HS3ST4: variants seen among roughly 807,000 people sequenced by gnomAD.
The protein encoded by HS3ST4 is heparan sulfate-glucosamine 3-sulfotransferase 4, also known as heparan sulfate glucosamine 3-O-sulfotransferase 4.
A neutral mutation model predicts 29.2 loss-of-function variants in HS3ST4; 17 were observed. That is an observed-to-expected ratio of 0.58 (90% CI 0.40 to 0.87). The LOEUF is 0.87. HS3ST4 is among the 40% of genes least tolerant of loss of function. HS3ST4 has a pLI of 0.00. For missense variants in HS3ST4, 627 were observed against 634.5 expected, an observed-to-expected ratio of 0.99 and a Z score of 0.13; for synonymous variants, 314 against 285.7, an observed-to-expected ratio of 1.10 and a Z score of -1.00.
At chr16:25,732,160 T>G (rs1015351238) in intron 1 of HS3ST4, among the ~76,000 whole-genome samples, 1 of 152,208 alleles carries the variant, frequency 6.6e-6, no homozygotes, top group Non-Finnish European at 1.5e-5. Flanking sequence ...TTAAAAAATC[T>G]AAACCAATAT....
intron 1 of HS3ST4, among the ~76,000 whole-genome samples, chr16:25,823,244 A>C (rs1967180900): frequency 6.6e-6 from 1 of 152,156 alleles, no homozygotes; most frequent in Non-Finnish European, 1.5e-5. Context: ...ATGCTCTTAC[A>C]CGTTGTGTTT....
At chr16:26,070,508 C>T (rs893234408) in intron 1 of HS3ST4, among the ~76,000 whole-genome samples, 1 of 152,130 alleles carries the variant, frequency 6.6e-6, no homozygotes, top group Non-Finnish European at 1.5e-5. Context: ...CCCACAGACT[C>T]ATAAGATAAA....
At chr16:25,992,931 C>T (rs1200220424) in intron 1 of HS3ST4, among the ~76,000 whole-genome samples, 2 of 152,200 alleles carry the variant, frequency 1.3e-5, no homozygotes, top group Admixed American at 1.3e-4. Flanking sequence ...CATGATTGTT[C>T]TTTCCTCTGT....
chr16:26,115,535 C>T (rs989286617), intron 1 of HS3ST4, among the ~76,000 whole-genome samples: 1 of 151,908 alleles, frequency 6.6e-6, no homozygotes, highest in Non-Finnish European at 1.5e-5. Flanking sequence ...GCCAATGGTA[C>T]GTATTATTCT....
intron 1 of HS3ST4, among the ~76,000 whole-genome samples, chr16:26,038,769 C>T (rs111765774): frequency 0.016 from 2,506 of 152,056 alleles, 65 homozygotes; most frequent in African/African-American, 0.055. Flanking sequence ...CTGCAAGCTC[C>T]GCCTCCCGGG....
chr16:25,857,956 C>CTTTCT, intron 1 of HS3ST4, among the ~76,000 whole-genome samples: 1 of 53,108 alleles, frequency 1.9e-5, no homozygotes, highest in South Asian at 7.2e-4. Flanking sequence ...TTCTTTCTTT[C>CTTTCT]TTTCTTTCTT....
At chr16:25,964,257 G>A (rs1968821884) in intron 1 of HS3ST4, among the ~76,000 whole-genome samples, 1 of 151,862 alleles carries the variant, frequency 6.6e-6, no homozygotes. Flanking sequence ...GATGCAGTTT[G>A]AAAAACTACC....
At chr16:25,996,112 A>G (rs1567290042) in intron 1 of HS3ST4, among the ~76,000 whole-genome samples, 1 of 152,140 alleles carries the variant, frequency 6.6e-6, no homozygotes, top group Non-Finnish European at 1.5e-5. Flanking sequence ...CAAAGAAACG[A>G]TGAGAGACCA....
At chr16:25,903,298 G>A (rs1338582466) in intron 1 of HS3ST4, among the ~76,000 whole-genome samples, 260 of 16,712 alleles carry the variant, frequency 0.016, 4 homozygotes, top group African/African-American at 0.061. Context: ...GTGTGTGTGT[G>A]TGTGTATGTA....
chr16:25,907,007 C>A (rs910455447), intron 1 of HS3ST4, among the ~76,000 whole-genome samples: 3 of 151,988 alleles, frequency 2.0e-5, no homozygotes, highest in Non-Finnish European at 2.9e-5. Context: ...CCAACTTGGG[C>A]AACATAGCAA....
At chr16:25,901,046 A>G (rs1049117156) in intron 1 of HS3ST4, among the ~76,000 whole-genome samples, 2 of 152,172 alleles carry the variant, frequency 1.3e-5, no homozygotes, top group Non-Finnish European at 2.9e-5. Context: ...AGAGTTGAGT[A>G]ATGACCTGTG....
chr16:26,099,597 A>C (rs1446875400), intron 1 of HS3ST4, among the ~76,000 whole-genome samples: 1 of 152,212 alleles, frequency 6.6e-6, no homozygotes, highest in Non-Finnish European at 1.5e-5. Flanking sequence ...CAGGCACTGA[A>C]TACCTGTCAT....
At chr16:25,862,907 C>A (rs192928084) in intron 1 of HS3ST4, among the ~76,000 whole-genome samples, 1 of 152,180 alleles carries the variant, frequency 6.6e-6, no homozygotes, top group East Asian at 1.9e-4. Flanking sequence ...TGTGTCTGAG[C>A]ATTCCTATTG....
chr16:25,933,501 C>CAAAAATT, intron 1 of HS3ST4: 1 of 450,498 alleles, frequency 2.2e-6, no homozygotes, highest in South Asian at 1.6e-5. Flanking sequence ...GATGCCACAG[C>CAAAAATT]GAGAGTAGGC....
chr16:26,006,419 C>G (rs1466754965), intron 1 of HS3ST4, among the ~76,000 whole-genome samples: 1 of 151,442 alleles, frequency 6.6e-6, no homozygotes, highest in Non-Finnish European at 1.5e-5. Flanking sequence ...GTAAACTGCC[C>G]AAAGGGTTCA....
At chr16:25,789,296 CTTCTTTCTTTCT>C (rs201345339) in intron 1 of HS3ST4, among the ~76,000 whole-genome samples, 3 of 151,810 alleles carry the variant, frequency 2.0e-5, no homozygotes, top group African/African-American at 7.3e-5. Context: ...TCCATCTCCT[CTTCTTTCTTTCT>C]TTCTTTCTCC....
At chr16:25,916,673 CTTTTTTTTTT>C (rs34339195) in intron 1 of HS3ST4, among the ~76,000 whole-genome samples, 4 of 92,162 alleles carry the variant, frequency 4.3e-5, no homozygotes, top group East Asian at 3.1e-4. Flanking sequence ...CAAATGCATT[CTTTTTTTTTT>C]TTTTTTTTTT....
rs114097280 is a variant in HS3ST4 at position 25,887,223 on chromosome 16, A to G, written c.734+194072A>G. On this transcript the variant is annotated intron_variant, in intron 1 of 1. Transcript: ENST00000331351. ...TTGAGGAAGTTTCCGTTCTTTAGGCAGAAGCGGACACTGAGGCAAGGCTAT... is the reference window on the plus strand; with the variant it reads ...TTGAGGAAGTTTCCGTTCTTTAGGCGGAAGCGGACACTGAGGCAAGGCTAT... 5.1e-3 allele frequency among the ~76,000 whole-genome samples: 770 copies of G among 152,312 alleles called. 6 individuals are homozygous for G. Among genetic ancestry groups the G allele is most frequent in the African/African-American group, 0.018 (732 of 41,548 alleles).
intron 1 of HS3ST4, among the ~76,000 whole-genome samples, chr16:25,739,789 G>C (rs2141597108): frequency 6.6e-6 from 1 of 152,296 alleles, no homozygotes; most frequent in East Asian, 1.9e-4. Context: ...AGCTTTCTTT[G>C]AGATTCCAAG....
Sources: allele counts gnomAD v4.1 joint callset (sites outside exome capture counted in the v4.1 genomes callset), GRCh38; gene constraint gnomAD v4.1.1; transcripts MANE v1.5; gene names NCBI Gene and HGNC (gene_info 2026-07-23, HGNC 2026-07-21).